The following FHIT variants were observed in gnomAD, a reference collection of about 807,000 sequenced individuals.
FHIT encodes the protein fragile histidine triad diadenosine triphosphatase.
A neutral mutation model predicts 17.9 loss-of-function variants in FHIT; 19 were observed. The observed-to-expected ratio is 1.06, with a 90% CI of 0.74 to 1.56. FHIT has a LOEUF of 1.56. Among genes scored for constraint, FHIT ranks in the 40% most tolerant of loss-of-function variants. The probability of loss-of-function intolerance (pLI) is 0.00; values close to 1 mark genes in which losing one functional copy is unlikely to be tolerated. For missense variants in FHIT, 248 were observed against 189.2 expected (o/e 1.31, Z -1.82); for synonymous variants, 81 against 69.7 (o/e 1.16, Z -0.81).
chr3:61,030,491 T>A (rs2032958464), intron 3 of FHIT, among the ~76,000 whole-genome samples: 1 of 152,244 alleles, frequency 6.6e-6, no homozygotes, highest in Admixed American at 6.5e-5. Flanking sequence ...ATTTAAGTTC[T>A]CAATTAGCAC....
chr3:61,143,697 C>G (rs920607954), intron 2 of FHIT, among the ~76,000 whole-genome samples: 12 of 152,154 alleles, frequency 7.9e-5, no homozygotes, highest in African/African-American at 2.9e-4. Flanking sequence ...GAAACCCCAT[C>G]TCTACTAAAA....
intron 5 of FHIT, among the ~76,000 whole-genome samples, chr3:60,137,659 T>C (rs770552777): frequency 4.3e-4 from 66 of 152,244 alleles, no homozygotes; most frequent in South Asian, 8.3e-4. Flanking sequence ...TGAAACTCTG[T>C]TAGGAAATCT....
At chr3:60,826,273 T>C (rs1294678455) in intron 3 of FHIT, among the ~76,000 whole-genome samples, 1 of 151,886 alleles carries the variant, frequency 6.6e-6, no homozygotes, top group African/African-American at 2.4e-5. Context: ...TAATCATAGA[T>C]GGGGATAGAT....
Position 60,025,498 on chromosome 3 carries a change from CTCTG to C in FHIT, c.104-11350_104-11347del, listed in dbSNP as rs1208200327. ...ACTAAAGAGTAAGAAAAGAAGTTCA[CTCTG>C]TCTGAGCAATGTGCCATAATTCACA... On this transcript the variant is annotated intron_variant, in intron 5 of 9. Coordinates refer to ENST00000492590, the MANE Select transcript of FHIT (RefSeq NM_002012.4). Among the ~76,000 whole-genome samples the C allele has an allele frequency of 6.6e-5, 10 of 151,634 alleles. No homozygotes were observed. In the East Asian group the frequency reaches 1.2e-3, roughly 18 times the overall value.
chr3:61,182,083 G>A (rs921750576), intron 2 of FHIT, among the ~76,000 whole-genome samples: 1 of 152,182 alleles, frequency 6.6e-6, no homozygotes, highest in Non-Finnish European at 1.5e-5. Context: ...TTTCTCTGAA[G>A]TGTAACCATT....
At chr3:59,784,454 G>A (rs1290085576) in intron 8 of FHIT, among the ~76,000 whole-genome samples, 10 of 152,158 alleles carry the variant, frequency 6.6e-5, no homozygotes. Context: ...CCTTAACAAG[G>A]CCTAGAAAGC....
At chr3:61,237,156 C>T (rs1019066685) in intron 1 of FHIT, among the ~76,000 whole-genome samples, 14 of 152,132 alleles carry the variant, frequency 9.2e-5, no homozygotes, top group South Asian at 4.1e-4. Context: ...CCAACTCGTA[C>T]AGAAAGTTTT....
chr3:59,820,973 G>T (rs1353073124), intron 8 of FHIT, among the ~76,000 whole-genome samples: 3 of 152,230 alleles, frequency 2.0e-5, no homozygotes, highest in Non-Finnish European at 2.9e-5. Flanking sequence ...AAGGAAAGAA[G>T]ATGTTTATGG....
At chr3:59,963,544 T>A (rs1221269733) in intron 7 of FHIT, among the ~76,000 whole-genome samples, 2 of 152,172 alleles carry the variant, frequency 1.3e-5, no homozygotes, top group East Asian at 1.9e-4. Flanking sequence ...TGGATAGGGA[T>A]GAGAAGAAAA....
intron 1 of FHIT, among the ~76,000 whole-genome samples, chr3:61,245,089 G>A (rs1049395135): frequency 2.0e-5 from 3 of 152,118 alleles, no homozygotes; most frequent in Admixed American, 6.5e-5. Context: ...TAGAATTAAA[G>A]GTTATCTAAG....
chr3:60,976,096 C>CTTTTTCTTT (rs1424446334), intron 3 of FHIT, among the ~76,000 whole-genome samples: 2 of 66,756 alleles, frequency 3.0e-5, no homozygotes, highest in African/African-American at 6.6e-5. Flanking sequence ...TTTTCTTTTT[C>CTTTTTCTTT]TTTTTTTTTT....
chr3:60,146,963 A>G (rs1032364648), intron 5 of FHIT, among the ~76,000 whole-genome samples: 2 of 152,220 alleles, frequency 1.3e-5, no homozygotes, highest in Non-Finnish European at 2.9e-5. Context: ...ATTGCTGCAT[A>G]AATTTATTAA....
intron 3 of FHIT, among the ~76,000 whole-genome samples, chr3:60,924,256 C>T (rs919318135): frequency 3.9e-5 from 6 of 152,198 alleles, no homozygotes; most frequent in Non-Finnish European, 7.4e-5. Flanking sequence ...GGACAAAATG[C>T]CTCCTCAAGT....
rs191913284 is a variant in FHIT, at chr3:60,425,247, A to G, written c.103+111613T>C. On this transcript the variant is annotated intron_variant, in intron 5 of 9. Transcript: ENST00000492590. ...CAGATGGAAATGGCCACTTGGCTCA[A>G]TTATGAACTGTGGTTGGCACTAATA... Among the ~76,000 whole-genome samples, 26 of 152,288 alleles carry G rather than the reference A, an allele frequency of 1.7e-4. 1 individual carries two copies. Among genetic ancestry groups the G allele is most frequent in the Admixed American group, 1.3e-3 (20 of 15,294 alleles).
chr3:60,833,069 A>G (rs1230315885), intron 3 of FHIT, among the ~76,000 whole-genome samples: 5 of 152,208 alleles, frequency 3.3e-5, no homozygotes, highest in African/African-American at 9.6e-5. Context: ...CCCCAGAAAG[A>G]TATCTTTCAA....
chr3:60,248,808 A>C (rs886288034), intron 5 of FHIT, among the ~76,000 whole-genome samples: 2 of 152,058 alleles, frequency 1.3e-5, no homozygotes, highest in African/African-American at 2.4e-5. Flanking sequence ...GCTGTGACTC[A>C]CCCCTTTTTC....
intron 3 of FHIT, among the ~76,000 whole-genome samples, chr3:60,857,747 A>T (rs1703447871): frequency 6.6e-6 from 1 of 152,104 alleles, no homozygotes; most frequent in Admixed American, 6.6e-5. Context: ...TGGGCAACAA[A>T]GCAAGACTCC....
rs375653334 is a variant in FHIT at position 60,910,381 on chromosome 3, C to CTACATCTTAA, written c.-110-88380_-110-88371dup. 1.7e-3 allele frequency among the ~76,000 whole-genome samples: 259 copies of CTACATCTTAA among 150,874 alleles called. 1 individual carries two copies. The highest frequency in any genetic ancestry group is 6.0e-3 in the African/African-American group (248 of 41,142). ...CAGAGGCGAATTTATCCTGAAGCTACTACATCTTAAGCTTACAGGTCTTTC... is the reference window on the plus strand; with the variant it reads ...CAGAGGCGAATTTATCCTGAAGCTACTACATCTTAATACATCTTAAGCTTACAGGTCTTTC... On this transcript the variant is annotated intron_variant, in intron 3 of 9. Coordinates refer to ENST00000492590, the MANE Select transcript of FHIT (RefSeq NM_002012.4).
intron 3 of FHIT, among the ~76,000 whole-genome samples, chr3:61,041,654 G>C (rs2033523226): frequency 1.3e-5 from 2 of 150,856 alleles, no homozygotes; most frequent in African/African-American, 4.9e-5. Flanking sequence ...TTTATAGACA[G>C]GTATGATTCC....
Sources: allele counts gnomAD v4.1 joint callset (sites outside exome capture counted in the v4.1 genomes callset), GRCh38; gene constraint gnomAD v4.1.1; transcripts MANE v1.5; gene names NCBI Gene and HGNC (gene_info 2026-07-23, HGNC 2026-07-21).